Variants in STAB1 observed in about 807,000 individuals in gnomAD.
The protein encoded by STAB1 is stabilin-1.
In STAB1, 250 loss-of-function variants were observed where a neutral mutation model predicts 332.4. The ratio of observed to expected loss-of-function variants is 0.75; its 90% confidence interval spans 0.68 to 0.84. The LOEUF (loss-of-function observed/expected upper bound fraction) is 0.84. STAB1 is among the 40% of genes least tolerant of loss of function. The pLI is 0.00. For missense variants in STAB1, 3,249 were observed against 3,489.7 expected (o/e 0.93, Z 1.74); for synonymous variants, 1,475 against 1,390.4 (o/e 1.06, Z -1.35).
At position 52,517,556 on chromosome 3, in the gene STAB1, T is replaced by C; in HGVS notation, c.4570T>C (p.Cys1524Arg). 6.2e-7 allele frequency: 1 copy of C among 1,612,684 alleles called. No individual in the cohort carries two copies. The highest frequency in any genetic ancestry group is 8.5e-7 in the Non-Finnish European group (1 of 1,179,838). ...TGATCAAGACTGGGGACAGGTCTCC[T>C]GCAGCTGCCGTGAGGGTTACAGCGG... The part of the protein sequence containing the change: ...CIPTGPQQVS[C>R]SCREGYSGDG... Residue 1524 changes from cysteine to arginine, a missense_variant, in exon 44 of 69, where the codon TGC becomes CGC. By Grantham distance (180) the Cys-to-Arg change is radical. Coordinates refer to ENST00000321725, the MANE Select transcript of STAB1 (RefSeq NM_015136.3).
Position 52,523,057 on chromosome 3 carries a change from G to C in STAB1, c.6943G>C (p.Gly2315Arg), listed in dbSNP as rs1473660085. ...CTGCCGATGCCGAAATGGCTTCGTG[G>C]GTGACGGGATCAGCACGTGCAATGG... The part of the protein sequence containing the change: ...VACRCRNGFV[G>R]DGISTCNGKL... The change falls in exon 63 of 69, where the codon GGT (glycine) becomes CGT (arginine). Residue 2315 changes from glycine to arginine, a missense_variant. By Grantham distance (125) the Gly-to-Arg change is moderately radical. Transcript: ENST00000321725. The C allele has an allele frequency of 6.4e-7, 1 of 1,570,052 alleles. No homozygotes were observed. Among genetic ancestry groups the C allele is most frequent in the East Asian group, 2.2e-5 (1 of 44,472 alleles).
chr3:52,519,151 C>A (rs56960576), intron 48 of STAB1, 113 bp from the exon 49 acceptor site: 4 of 1,414,030 alleles, frequency 2.8e-6, no homozygotes, highest in East Asian at 2.3e-5. Flanking sequence ...CCCGAAGAAC[C>A]GGGACTGCCT....
intron 1 of STAB1, 57 bp from the exon 2 acceptor site, chr3:52,501,109 G>C: frequency 6.3e-7 from 1 of 1,584,572 alleles, no homozygotes; most frequent in Non-Finnish European, 8.6e-7. Flanking sequence ...ACTGAGGACA[G>C]GGTCAGGACT....
At chr3:52,506,361 G>C (rs1176969871) in intron 17 of STAB1, 111 bp downstream of exon 17, 1 of 982,556 alleles carries the variant, frequency 1.0e-6, no homozygotes, top group Non-Finnish European at 1.6e-6. Context: ...ACACTGCTAG[G>C]CCATGGCGGG....
intron 15 of STAB1, 22 bp from the exon 16 acceptor site, chr3:52,505,861 A>T (rs756512600): frequency 6.2e-6 from 10 of 1,613,864 alleles, no homozygotes; most frequent in Non-Finnish European, 8.5e-6. Context: ...CCAGGAGCCA[A>T]ACCCTCTCTC....
chr3:52,502,769 G>A, intron 6 of STAB1, 42 bp downstream of exon 6: 1 of 1,590,680 alleles, frequency 6.3e-7, no homozygotes, highest in Non-Finnish European at 8.6e-7. Context: ...GCAGGTCCCT[G>A]TGGCCAGAGC....
At chr3:52,506,415 G>T (rs1272407910) in intron 17 of STAB1, among the ~76,000 whole-genome samples, 165 bp downstream of exon 17, 1 of 152,248 alleles carries the variant, frequency 6.6e-6, no homozygotes, top group African/African-American at 2.4e-5. Flanking sequence ...CCTCTGCTGG[G>T]GCCCAATGAG....
Position 52,506,572 on chromosome 3 carries a change from C to G in STAB1, c.1831-120C>G, listed in dbSNP as rs547879248. 3.5e-6 allele frequency: 4 copies of G among 1,143,488 alleles called. No homozygotes were observed. The East Asian group carries it at 7.8e-5, about 22-fold the overall frequency. The allele number at this position is 1,143,488 out of a possible 1,614,324, so 70.8% of individuals were successfully genotyped here. On this transcript the variant is annotated intron_variant, in intron 17 of 68. Coordinates refer to ENST00000321725, the MANE Select transcript of STAB1 (RefSeq NM_015136.3). The stretch of plus-strand genomic sequence containing the variant: ...GAGGTGGCTGGTATGGCCAGCGGGG[C>G]CTTCAGCAGCTCACTGAGCTGCCTG...
Position 52,522,569 on chromosome 3 carries a change from G to A in STAB1, c.6625G>A (p.Val2209Ile), listed in dbSNP as rs899014306. 7 of 1,612,926 alleles carry A rather than the reference G, an allele frequency of 4.3e-6. No individual in the cohort carries two copies. Among genetic ancestry groups the A allele is most frequent in the Middle Eastern group, 1.6e-4 (1 of 6,084 alleles). Reference protein sequence around the residue: ...DLHFQEKRAGVFHLQATSGPY... With the variant: ...DLHFQEKRAGIFHLQATSGPY... ...CCATTCTGCAGAGAAACGGGCTGGCGTTTTCCACCTCCAGGCCACCAGCGG... is the reference window on the plus strand; with the variant it reads ...CCATTCTGCAGAGAAACGGGCTGGCATTTTCCACCTCCAGGCCACCAGCGG... The change falls in exon 61 of 69, where the codon GTT becomes ATT. Residue 2209 changes from valine to isoleucine, a missense_variant. By Grantham distance (29) the Val-to-Ile change is conservative (BLOSUM62 3). Coordinates refer to ENST00000321725, the MANE Select transcript of STAB1 (RefSeq NM_015136.3).
Position 52,518,794 on chromosome 3 carries a change from G to T in STAB1, c.4959G>T (p.Leu1653=). ...FRYHVVGCRR[L]RSEDLLEQGY... ...ACCACGTGGTTGGCTGTCGGCGGCT[G>T]CGGAGCGAGGACCTGCTGGAGCAGG... The change falls in exon 48 of 69, where the codon CTG becomes CTT. Residue 1653 remains leucine, a synonymous_variant. Coordinates refer to ENST00000321725, the MANE Select transcript of STAB1 (RefSeq NM_015136.3). 1.9e-6 allele frequency: 3 copies of T among 1,611,964 alleles called. No homozygotes were observed. In the South Asian group the frequency reaches 3.3e-5, roughly 18 times the overall value.
At chr3:52,513,439 T>C (rs1298597013) in intron 30 of STAB1, among the ~76,000 whole-genome samples, 198 bp downstream of exon 30, 3 of 152,158 alleles carry the variant, frequency 2.0e-5, no homozygotes, top group African/African-American at 7.2e-5. Flanking sequence ...AGTGACTGCC[T>C]GCAGGGGCTC....
In STAB1 at chr3:52,518,748, A is replaced by G. The variant is rs148973654; in HGVS notation, c.4913A>G (p.His1638Arg). ...SQDELARIRA[H>R]RQLVFRYHVV... ...GATGAGCTGGCCCGGATTCGTGCGC[A>G]TCGCCAGCTGGTGTTTCGCTACCAC... Residue 1638 changes from histidine (H) to arginine (R), a missense_variant, in exon 48 of 69, where the codon CAT (histidine) becomes CGT (arginine). Transcript: ENST00000321725. The G allele has an allele frequency of 6.8e-5, 110 of 1,612,378 alleles. No homozygotes were observed. Among genetic ancestry groups the G allele is most frequent in the Non-Finnish European group, 8.7e-5 (103 of 1,179,784 alleles).
chr3:52,522,719 G>A (rs1373009211), intron 61 of STAB1, 31 bp downstream of exon 61: 1 of 1,612,870 alleles, frequency 6.2e-7, no homozygotes, highest in South Asian at 1.1e-5. Context: ...GGGGCCAAGT[G>A]TTGGGGGAGG....
intron 1 of STAB1, among the ~76,000 whole-genome samples, chr3:52,496,145 A>G (rs1708005585): frequency 1.3e-5 from 2 of 151,656 alleles, no homozygotes; most frequent in South Asian, 4.2e-4. Flanking sequence ...CATGCTCCAA[A>G]CCCCTGCCTG....
intron 50 of STAB1, 74 bp downstream of exon 50, chr3:52,519,638 CTGTG>C: frequency 6.4e-7 from 1 of 1,573,088 alleles, no homozygotes; most frequent in Non-Finnish European, 8.7e-7. Flanking sequence ...GTATGCGTAC[CTGTG>C]TGTGCATACC....
At chr3:52,520,331 C>A in intron 52 of STAB1, 41 bp downstream of exon 52, 1 of 1,612,942 alleles carries the variant, frequency 6.2e-7, no homozygotes, top group Non-Finnish European at 8.5e-7. Flanking sequence ...GAGTAGGAGG[C>A]AGGGGCCCTG....
intron 3 of STAB1, 97 bp downstream of exon 3, chr3:52,501,850 T>C (rs577296412): frequency 1.4e-6 from 2 of 1,381,274 alleles, no homozygotes; most frequent in Admixed American, 4.0e-5. Flanking sequence ...CTTCAACTTG[T>C]TTGTTTAATT....
In STAB1 at chr3:52,502,618, T is replaced by C. The variant is rs1412114260; in HGVS notation, c.488-14T>C. ...GAGGCTGGGGCCCCATCTGTCTCTG[T>C]GTGTCCCTCCCAGTGTGCAGCTGTG... is the stretch of plus-strand genomic sequence containing the variant. On this transcript the variant is annotated splice_polypyrimidine_tract_variant and intron_variant, in intron 5 of 68. Transcript: ENST00000321725. 1 of 1,604,870 alleles carries C rather than the reference T, an allele frequency of 6.2e-7. No individual in the cohort carries two copies. The highest frequency in any genetic ancestry group is 8.5e-7 in the Non-Finnish European group (1 of 1,172,848).
At chr3:52,514,866 G>A (rs369648590) in intron 35 of STAB1, 37 bp downstream of exon 35, 27 of 1,612,778 alleles carry the variant, frequency 1.7e-5, no homozygotes, top group Non-Finnish European at 1.6e-5. Flanking sequence ...CGGCACGGGA[G>A]TTCAGAGCTG....
Sources: gnomAD v4.1 joint callset for allele counts (sites outside exome capture counted in the v4.1 genomes callset) on GRCh38, gnomAD v4.1.1 for gene constraint, MANE v1.5 for transcripts, NCBI Gene and HGNC (gene_info 2026-07-23, HGNC 2026-07-21) for gene names.